SLCO6A1: variants seen among roughly 807,000 people sequenced by gnomAD.
SLCO6A1 encodes cancer/testis antigen 48.
SLCO6A1 carries 65 observed loss-of-function variants against 72.7 expected under a neutral mutation model. The ratio of observed to expected loss-of-function variants is 0.89; its 90% confidence interval spans 0.73 to 1.10. The LOEUF (loss-of-function observed/expected upper bound fraction) is 1.10, where lower values mean the gene tolerates loss of function less well. Among genes scored for constraint, SLCO6A1 ranks in the 50% least tolerant of loss-of-function variants. SLCO6A1 has a pLI of 0.00. For missense variants in SLCO6A1, 874 were observed against 872.6 expected (o/e 1.00, Z -0.02); for synonymous variants, 314 against 298.2 (o/e 1.05, Z -0.55).
chr5:102,432,298 G>A (rs1363305810), intron 7 of SLCO6A1, among the ~76,000 whole-genome samples: 1 of 152,090 alleles, frequency 6.6e-6, no homozygotes, highest in Admixed American at 6.5e-5. Flanking sequence ...TGTTTATTAT[G>A]CTGACTTGTT....
intron 7 of SLCO6A1, among the ~76,000 whole-genome samples, chr5:102,431,863 G>T (rs975817809): frequency 6.6e-6 from 1 of 152,102 alleles, no homozygotes; most frequent in Admixed American, 6.6e-5. Context: ...ATTGGTGGGG[G>T]TCTAAGGCTC....
chr5:102,476,774 C>T (rs1751921828), intron 3 of SLCO6A1, among the ~76,000 whole-genome samples: 1 of 151,884 alleles, frequency 6.6e-6, no homozygotes, highest in Non-Finnish European at 1.5e-5. Flanking sequence ...CAAGATGATA[C>T]TTTAAAGTTA....
intron 3 of SLCO6A1, 126 bp from the exon 4 acceptor site, chr5:102,475,919 C>T: frequency 1.9e-6 from 1 of 523,770 alleles, no homozygotes; most frequent in Non-Finnish European, 3.3e-6. Context: ...TCAGAGCTCT[C>T]CAGAGAAACA....
At chr5:102,482,645 T>C (rs1752269605) in intron 1 of SLCO6A1, among the ~76,000 whole-genome samples, 1 of 152,214 alleles carries the variant, frequency 6.6e-6, no homozygotes, top group Admixed American at 6.5e-5. Flanking sequence ...TGTAGTAAAA[T>C]CAGTGAATTA....
chr5:102,458,603 G>T, intron 5 of SLCO6A1, 112 bp from the exon 6 acceptor site: 1 of 660,930 alleles, frequency 1.5e-6, no homozygotes, highest in Non-Finnish European at 2.6e-6. Flanking sequence ...TGGCAAATGA[G>T]TTATTTTTGA....
chr5:102,465,813 T>A (rs1751281625), intron 4 of SLCO6A1, among the ~76,000 whole-genome samples: 1 of 152,056 alleles, frequency 6.6e-6, no homozygotes, highest in Non-Finnish European at 1.5e-5. Context: ...TCCTATAAGA[T>A]CTGAGCCTTA....
chr5:102,386,572 G>C (rs1746429864), intron 12 of SLCO6A1, among the ~76,000 whole-genome samples: 1 of 152,088 alleles, frequency 6.6e-6, no homozygotes, highest in South Asian at 2.1e-4. Context: ...TGGCCTGGAA[G>C]TTGGGTCTGT....
chr5:102,451,941 T>A (rs1400533342), intron 6 of SLCO6A1, among the ~76,000 whole-genome samples: 2 of 152,262 alleles, frequency 1.3e-5, no homozygotes, highest in African/African-American at 4.8e-5. Context: ...TTCTTCTTTC[T>A]ATGATAGCCA....
In SLCO6A1 at chr5:102,480,190, C is replaced by A; in HGVS notation, c.603G>T (p.Lys201Asn). The change falls in exon 2 of 14, where the codon AAG becomes AAT. Residue 201 changes from lysine (K) to asparagine (N), a missense_variant. Transcript: ENST00000506729. ...PSINEENKQS[K>N]VGIEDICEEI... ...TTAAAACCTTACCTTCAATTCCTAC[C>A]TTACTTTGTTTATTTTCTTCATTAA... 6.2e-7 allele frequency: 1 copy of A among 1,608,088 alleles called. No individual in the cohort carries two copies. Among genetic ancestry groups the A allele is most frequent in the South Asian group, 1.1e-5 (1 of 90,312 alleles).
At chr5:102,424,909 A>C (rs981069894) in intron 7 of SLCO6A1, among the ~76,000 whole-genome samples, 1 of 152,186 alleles carries the variant, frequency 6.6e-6, no homozygotes, top group Non-Finnish European at 1.5e-5. Context: ...CACACTAGAA[A>C]GCTTATCCAC....
chr5:102,461,128 C>T lies in SLCO6A1; in HGVS notation c.900-1351G>A, dbSNP rs193135581. Among the ~76,000 whole-genome samples, 330 of 150,680 alleles carry T rather than the reference C, an allele frequency of 2.2e-3. 3 individuals are homozygous for T. The highest frequency in any genetic ancestry group is 7.5e-3 in the African/African-American group (306 of 41,038). The stretch of plus-strand genomic sequence containing the variant: ...ACATATGTGTGTATAATTGTGTACC[C>T]GGAAGAGGTAGGGAAATCAACTAAA... On this transcript the variant is annotated intron_variant, in intron 4 of 13. Transcript: ENST00000506729.
intron 1 of SLCO6A1, among the ~76,000 whole-genome samples, chr5:102,481,203 C>T (rs565579393): frequency 6.7e-6 from 1 of 150,156 alleles, no homozygotes; most frequent in Admixed American, 6.8e-5. Context: ...ATTGCTGCTG[C>T]TGCTGCTGTT....
chr5:102,402,327 G>A (rs537068483), intron 9 of SLCO6A1, among the ~76,000 whole-genome samples: 85 of 152,196 alleles, frequency 5.6e-4, no homozygotes, highest in African/African-American at 1.7e-3. Context: ...AGTGAACCAG[G>A]GCCTAAAATC....
At chr5:102,467,512 G>A (rs1056829177) in intron 4 of SLCO6A1, among the ~76,000 whole-genome samples, 14 of 152,026 alleles carry the variant, frequency 9.2e-5, no homozygotes, top group Admixed American at 7.9e-4. Flanking sequence ...CACTACATAC[G>A]AGTACAGTAT....
chr5:102,423,587 T>C (rs1381282804), intron 7 of SLCO6A1, among the ~76,000 whole-genome samples: 1 of 152,156 alleles, frequency 6.6e-6, no homozygotes, highest in Non-Finnish European at 1.5e-5. Context: ...CTTAAATATA[T>C]ATGCACCCAA....
intron 12 of SLCO6A1, among the ~76,000 whole-genome samples, chr5:102,385,209 T>C (rs1580329353): frequency 6.6e-6 from 1 of 152,138 alleles, no homozygotes; most frequent in African/African-American, 2.4e-5. Flanking sequence ...ATGAATTGCT[T>C]TTCTCTTACT....
intron 6 of SLCO6A1, among the ~76,000 whole-genome samples, chr5:102,445,967 T>A (rs1235839435): frequency 6.6e-6 from 1 of 152,164 alleles, no homozygotes; most frequent in Non-Finnish European, 1.5e-5. Context: ...TTTAGGAGCC[T>A]TGTAGTACAT....
chr5:102,453,349 AAAAAG>A (rs1383664043), intron 6 of SLCO6A1, among the ~76,000 whole-genome samples: 9 of 151,058 alleles, frequency 6.0e-5, no homozygotes, highest in African/African-American at 9.9e-5. Flanking sequence ...AAAAAAAAAA[AAAAAG>A]AAAGAAAGAA....
intron 4 of SLCO6A1, among the ~76,000 whole-genome samples, chr5:102,469,181 T>G (rs1379313579): frequency 6.6e-6 from 1 of 152,116 alleles, no homozygotes; most frequent in Non-Finnish European, 1.5e-5. Flanking sequence ...TAAAGTAGTT[T>G]TTTCCAATTC....
Sources: gnomAD v4.1 joint callset for allele counts (sites outside exome capture counted in the v4.1 genomes callset) on GRCh38, gnomAD v4.1.1 for gene constraint, MANE v1.5 for transcripts, NCBI Gene and HGNC (gene_info 2026-07-23, HGNC 2026-07-21) for gene names.